The following PHLDB1 variants were observed in gnomAD, a reference collection of about 807,000 sequenced individuals.
PHLDB1 encodes the protein pleckstrin homology-like domain family B member 1.
PHLDB1 carries 65 observed loss-of-function variants against 139.3 expected under a neutral mutation model. That is an observed-to-expected ratio of 0.47 (90% CI 0.38 to 0.57). PHLDB1 has a LOEUF of 0.57. PHLDB1 is among the 20% of genes least tolerant of loss of function. The pLI, the probability that PHLDB1 is intolerant of heterozygous loss-of-function variation, is 0.00. For missense variants in PHLDB1, 1,624 were observed against 1,839.7 expected, an observed-to-expected ratio of 0.88 and a Z score of 2.14; for synonymous variants, 679 against 734.5, an observed-to-expected ratio of 0.92 and a Z score of 1.22.
intron 21 of PHLDB1, 79 bp downstream of exon 21, chr11:118,655,769 A>G: frequency 6.7e-7 from 1 of 1,485,180 alleles, no homozygotes; most frequent in Non-Finnish European, 9.4e-7. Flanking sequence ...TCTGGGAGCA[A>G]AGGCCTCCAG....
rs1410058992 is a variant in PHLDB1 at position 118,610,955 on chromosome 11, C to G, written c.-21-2861C>G. On this transcript the variant is annotated intron_variant, in intron 1 of 22. Coordinates refer to ENST00000600882, the MANE Select transcript of PHLDB1 (RefSeq NM_001144758.3). The surrounding 1 kb of genome is among the most constrained non-coding windows in gnomAD (Gnocchi z 8.7). ...GCGGCACTGGGGCGTCTGTACCCAG[C>G]GTGCGGGAGGGCACCCAGGGCCGGA... Among the ~76,000 whole-genome samples, 1 of 152,052 alleles carries G rather than the reference C, an allele frequency of 6.6e-6. No homozygotes were observed. The highest frequency in any genetic ancestry group is 1.5e-5 in the Non-Finnish European group (1 of 67,994).
chr11:118,644,972 C>T, intron 15 of PHLDB1: 2 of 288,338 alleles, frequency 6.9e-6, no homozygotes, highest in Non-Finnish European at 1.3e-5. Context: ...TTTCTGCCAT[C>T]TCTTCCTTCT....
At chr11:118,647,882 G>C (rs1333965587) in intron 17 of PHLDB1, 48 bp from the exon 18 acceptor site, 7 of 1,540,760 alleles carry the variant, frequency 4.5e-6, no homozygotes, top group Admixed American at 2.0e-5. Context: ...AGGGCCAGTG[G>C]GGGGAAGAGG....
In PHLDB1 at chr11:118,650,411, A is replaced by G. The variant is rs1591771121; in HGVS notation, c.3772-34A>G. ...CACACTTAAGGCTTAAGGGCTGCAT[A>G]TTTGGGTCCTTCCTTACTCCTGCTT... On this transcript the variant is annotated intron_variant, in intron 19 of 22. Coordinates refer to ENST00000600882, the MANE Select transcript of PHLDB1 (RefSeq NM_001144758.3). The surrounding 1 kb of genome is among the most constrained non-coding windows in gnomAD (Gnocchi z 4.7). 7.0e-7 allele frequency: 1 copy of G among 1,427,732 alleles called. No homozygotes were observed. The highest frequency in any genetic ancestry group is 9.9e-7 in the Non-Finnish European group (1 of 1,009,732). The allele number at this position is 1,427,732 out of a possible 1,614,324, so 88.4% of individuals were successfully genotyped here.
intron 4 of PHLDB1, among the ~76,000 whole-genome samples, chr11:118,623,919 A>T (rs895831868): frequency 1.1e-4 from 15 of 141,018 alleles, no homozygotes; most frequent in African/African-American, 4.0e-4. Context: ...TGTGTGTGTG[A>T]GACGGAGTTT....
At chr11:118,653,413 C>G (rs1232966223) in intron 20 of PHLDB1, 1 of 152,200 alleles carries the variant, frequency 6.6e-6, no homozygotes, top group Non-Finnish European at 1.5e-5. Flanking sequence ...CTCCTCTGAA[C>G]CCCTGCATTA....
chr11:118,610,456 G>C lies in PHLDB1; in HGVS notation c.-22+2757G>C. 1 of 985,452 alleles carries C rather than the reference G, an allele frequency of 1.0e-6. No individual in the cohort carries two copies. The highest frequency in any genetic ancestry group is 1.2e-6 in the Non-Finnish European group (1 of 829,948). The allele number at this position is 985,452 out of a possible 1,614,324, so 61.0% of individuals were successfully genotyped here. A position where few individuals can be genotyped will look rare whatever the true frequency, so the allele number is the denominator to read the frequency against. The stretch of plus-strand genomic sequence containing the variant: ...GCGGCGGCCGAGAGGACCCCAGCTC[G>C]GCCTGGCGGGCCTCTGGCCACAGCC... On this transcript the variant is annotated intron_variant, in intron 1 of 22. Transcript: ENST00000600882. This position sits in a 1 kb window ranked among gnomAD's most constrained non-coding sequence, Gnocchi z 8.7.
At chr11:118,652,337 A>G (rs543047877) in intron 20 of PHLDB1, 1 of 152,328 alleles carries the variant, frequency 6.6e-6, no homozygotes, top group East Asian at 1.9e-4. Context: ...GAGAGGAAGA[A>G]ACATGCCTGG....
intron 13 of PHLDB1, 147 bp from the exon 14 acceptor site, chr11:118,643,653 G>C: frequency 6.5e-7 from 1 of 1,534,612 alleles, no homozygotes; most frequent in Non-Finnish European, 8.7e-7. Context: ...TGGCCATTGG[G>C]CTGGCTCAGG....
Position 118,610,004 on chromosome 11 carries a change from TCGCCCCATCTCCC to T in PHLDB1, c.-22+2311_-22+2323del, listed in dbSNP as rs1262272644. On this transcript the variant is annotated intron_variant, in intron 1 of 22. Coordinates refer to ENST00000600882, the MANE Select transcript of PHLDB1 (RefSeq NM_001144758.3). The surrounding 1 kb of genome is among the most constrained non-coding windows in gnomAD (Gnocchi z 8.7). ...CGGTGGGCCCCAGCCTCCCTCTCCT[TCGCCCCATCTCCC>T]CGCCCGTCAGCCTCCCCTCCGCTGC... 6.6e-6 allele frequency among the ~76,000 whole-genome samples: 1 copy of T among 151,430 alleles called. No homozygotes were observed. The highest frequency in any genetic ancestry group is 1.5e-5 in the Non-Finnish European group (1 of 67,850).
rs1555141518 is a variant in PHLDB1 at position 118,655,904 on chromosome 11, C to T, written c.3993+12C>T. Reference sequence around the variant, plus strand: ...CTATGGTGACTGAGGTACCCCTCCCCACTTAGCTGTAACCAGCACATTAAC... The same window carrying T: ...CTATGGTGACTGAGGTACCCCTCCCTACTTAGCTGTAACCAGCACATTAAC... On this transcript the variant is annotated intron_variant, in intron 22 of 22. Coordinates refer to ENST00000600882, the MANE Select transcript of PHLDB1 (RefSeq NM_001144758.3). 1.2e-6 allele frequency: 2 copies of T among 1,603,692 alleles called. No individual in the cohort carries two copies. The highest frequency in any genetic ancestry group is 1.3e-5 in the African/African-American group (1 of 74,784).
intron 15 of PHLDB1, chr11:118,644,873 CG>C: frequency 3.8e-6 from 1 of 265,554 alleles, no homozygotes; most frequent in Non-Finnish European, 7.6e-6. Context: ...TGTGCTCTAC[CG>C]TGTCTCCCCT....
At chr11:118,653,365 C>G (rs770002203) in intron 20 of PHLDB1, 4 of 152,066 alleles carry the variant, frequency 2.6e-5, no homozygotes, top group Non-Finnish European at 4.4e-5. Flanking sequence ...ATCTAGGAAG[C>G]CTTTCCTGAC....
At chr11:118,614,453 G>A in intron 2 of PHLDB1, 106 bp from the exon 3 acceptor site, 1 of 1,262,212 alleles carries the variant, frequency 7.9e-7, no homozygotes, top group Non-Finnish European at 1.1e-6. Flanking sequence ...CACCCTCAGA[G>A]CCCTTCGGAG....
chr11:118,635,187 A>C, intron 9 of PHLDB1: 1 of 620,530 alleles, frequency 1.6e-6, no homozygotes, highest in Non-Finnish European at 2.9e-6. Context: ...TTTGGAGGGA[A>C]CCGGGAAGGT....
In PHLDB1 at chr11:118,608,908, C is replaced by T. The variant is rs1939602695; in HGVS notation, c.-22+1209C>T. Among the ~76,000 whole-genome samples the T allele has an allele frequency of 6.6e-6, 1 of 151,820 alleles. No individual in the cohort carries two copies. Among genetic ancestry groups the T allele is most frequent in the Non-Finnish European group, 1.5e-5 (1 of 67,916 alleles). On this transcript the variant is annotated intron_variant, in intron 1 of 22. Transcript: ENST00000600882. This position sits in a 1 kb window ranked among gnomAD's most constrained non-coding sequence, Gnocchi z 6.7. ...CATGCACCCCAGTCACACAGCCTAC[C>T]TCACACACGCACCCCAGTCACACAC... is the stretch of plus-strand genomic sequence containing the variant.
At chr11:118,631,528 G>A (rs1555110571) in intron 7 of PHLDB1, 49 bp downstream of exon 7, 1 of 1,388,632 alleles carries the variant, frequency 7.2e-7, no homozygotes, top group Non-Finnish European at 9.4e-7. Context: ...TGGACCTGCT[G>A]GGGGCAGAGG....
At chr11:118,635,331 T>C in intron 9 of PHLDB1, 62 bp from the exon 10 acceptor site, 1 of 1,498,284 alleles carries the variant, frequency 6.7e-7, no homozygotes. Flanking sequence ...TGTGGCCTGG[T>C]CTTCCAGGCC....
At chr11:118,654,920 G>T (rs1555140550) in intron 20 of PHLDB1, 2 of 152,034 alleles carry the variant, frequency 1.3e-5, no homozygotes, top group Admixed American at 6.6e-5. Context: ...GTTTCACCAT[G>T]TTGGCCAGGC....
Sources: gnomAD v4.1 joint callset for allele counts (sites outside exome capture counted in the v4.1 genomes callset) on GRCh38, gnomAD v4.1.1 for gene constraint, Gnocchi (gnomAD v3.1) non-coding constraint, MANE v1.5 for transcripts, NCBI Gene and HGNC (gene_info 2026-07-23, HGNC 2026-07-21) for gene names.